BANP: variants seen among roughly 807,000 people sequenced by gnomAD.
BANP encodes protein BANP.
Under a neutral mutation model 68.1 loss-of-function variants are expected in BANP, and 11 were observed. The ratio of observed to expected loss-of-function variants is 0.16; its 90% CI spans 0.10 to 0.27. The LOEUF (loss-of-function observed/expected upper bound fraction) is 0.27, where lower values mean the gene tolerates loss of function less well. Among genes scored for constraint, BANP ranks in the 10% least tolerant of loss-of-function variants. The pLI, the probability that BANP is intolerant of heterozygous loss-of-function variation, is 1.00. For missense variants in BANP, 504 were observed against 722.7 expected (o/e 0.70, Z 3.47); for synonymous variants, 329 against 303.2 (o/e 1.09, Z -0.88).
intron 6 of BANP, among the ~76,000 whole-genome samples, chr16:88,014,542 G>C (rs180883575): frequency 4.8e-4 from 73 of 152,236 alleles, no homozygotes; most frequent in Non-Finnish European, 6.8e-4. Flanking sequence ...TTCTTGTCCA[G>C]TGTTTACTTT....
intron 6 of BANP, 90 bp downstream of exon 6, chr16:88,006,355 G>A (rs980008226): frequency 2.7e-6 from 4 of 1,460,732 alleles, no homozygotes; most frequent in Admixed American, 4.4e-5. Flanking sequence ...TTTTAAAGAA[G>A]TGATACAGTG....
Position 87,992,597 on chromosome 16 carries a change from C to G in BANP, c.362+8338C>G, listed in dbSNP as rs186442590. 8.6e-4 allele frequency among the ~76,000 whole-genome samples: 131 copies of G among 152,086 alleles called. No homozygotes were observed. The South Asian group carries it at 0.014, about 16-fold the overall frequency. ...TCACCTGAAGTCAGGAGTTCGAGAC[C>G]AGCCTGGCTAACGAGGCGAAACCCC... is the stretch of plus-strand genomic sequence containing the variant. On this transcript the variant is annotated intron_variant, in intron 4 of 13. Transcript: ENST00000682872.
intron 6 of BANP, among the ~76,000 whole-genome samples, chr16:88,014,830 G>C (rs1256533726): frequency 1.3e-5 from 2 of 151,918 alleles, no homozygotes; most frequent in Non-Finnish European, 2.9e-5. Context: ...AGAGATGCTT[G>C]GTGTCGCTGG....
chr16:87,977,336 G>A (rs1215737398), intron 2 of BANP, among the ~76,000 whole-genome samples: 1 of 151,968 alleles, frequency 6.6e-6, no homozygotes, highest in Non-Finnish European at 1.5e-5. Context: ...GGAGAATGGC[G>A]TGAACCCGGG....
At chr16:88,053,698 TCCA>T (rs2084019703) in intron 11 of BANP, among the ~76,000 whole-genome samples, 1 of 123,924 alleles carries the variant, frequency 8.1e-6, no homozygotes, top group South Asian at 3.1e-4. Context: ...CACTGTCATC[TCCA>T]TCATCATCAT....
chr16:87,964,613 A>T (rs561803780), intron 1 of BANP, among the ~76,000 whole-genome samples: 3 of 152,178 alleles, frequency 2.0e-5, no homozygotes, highest in Admixed American at 6.5e-5. Flanking sequence ...GAGGGCTTAG[A>T]GCAGATGAGG....
At chr16:88,039,413 G>A (rs899385247) in intron 11 of BANP, among the ~76,000 whole-genome samples, 4 of 143,708 alleles carry the variant, frequency 2.8e-5, no homozygotes, top group South Asian at 2.3e-4. Context: ...CATAGCTGGC[G>A]GTCCGTCTTC....
Position 88,004,011 on chromosome 16 carries a change from G to A in BANP, c.363-284G>A, listed in dbSNP as rs1010423944. On this transcript the variant is annotated intron_variant, in intron 4 of 13. Transcript: ENST00000682872. This position sits in a 1 kb window ranked among gnomAD's most constrained non-coding sequence, Gnocchi z 7.0. The stretch of plus-strand genomic sequence containing the variant: ...TTCTGTCACAAGTTCAGCATCCTCA[G>A]CCCAGCTGTCCTGTGCTATCCAGTT... 2 of 375,198 alleles carry A rather than the reference G, an allele frequency of 5.3e-6. No homozygotes were observed. Among genetic ancestry groups the A allele is most frequent in the Non-Finnish European group, 1.0e-5 (2 of 200,258 alleles). 23.2% of individuals were successfully genotyped at this position (375,198 alleles called of 1,614,324 possible).
At chr16:88,051,188 C>T (rs546445776) in intron 11 of BANP, among the ~76,000 whole-genome samples, 4 of 152,344 alleles carry the variant, frequency 2.6e-5, no homozygotes, top group Non-Finnish European at 2.9e-5. Flanking sequence ...ATGGGGGCTC[C>T]CCAGTGGTTT....
chr16:88,045,820 G>A (rs1053392323), intron 11 of BANP, among the ~76,000 whole-genome samples: 1 of 151,952 alleles, frequency 6.6e-6, no homozygotes, highest in Admixed American at 6.5e-5. Context: ...ATGTGTCCCA[G>A]TCTCAGGGCG....
chr16:87,974,813 G>T (rs2061720204), intron 1 of BANP, among the ~76,000 whole-genome samples: 1 of 152,142 alleles, frequency 6.6e-6, no homozygotes, highest in Non-Finnish European at 1.5e-5. Flanking sequence ...AAACGGAGAG[G>T]CCCCGGGTGG....
At chr16:88,038,565 G>T (rs867045418) in intron 11 of BANP, among the ~76,000 whole-genome samples, 1 of 142,852 alleles carries the variant, frequency 7.0e-6, no homozygotes, top group Middle Eastern at 4.1e-3. Context: ...GTTAGAAAAA[G>T]GTGGTTTCGC....
chr16:88,013,973 G>A (rs142471852), intron 6 of BANP, among the ~76,000 whole-genome samples: 4 of 152,302 alleles, frequency 2.6e-5, no homozygotes, highest in African/African-American at 7.2e-5. Flanking sequence ...AGCAGGAAGC[G>A]CAGGGCGTGG....
At position 88,036,065 on chromosome 16, in the gene BANP, C is replaced by G. The variant is rs2079269792; in HGVS notation, c.1272+671C>G. On this transcript the variant is annotated intron_variant, in intron 10 of 13. Transcript: ENST00000682872. The surrounding 1 kb of genome is among the most constrained non-coding windows in gnomAD (Gnocchi z 4.2). ...GTTGCGATGCTCCATGTTTGCATGC[C>G]AGAGCAGGACTGTCTCCCGGGTGAC... Among the ~76,000 whole-genome samples the G allele has an allele frequency of 6.6e-6, 1 of 152,216 alleles. No homozygotes were observed. Among genetic ancestry groups the G allele is most frequent in the Non-Finnish European group, 1.5e-5 (1 of 68,040 alleles).
At chr16:88,065,926 C>T (rs1411096756) in intron 12 of BANP, among the ~76,000 whole-genome samples, 1 of 152,114 alleles carries the variant, frequency 6.6e-6, no homozygotes, top group East Asian at 1.9e-4. Context: ...TGCCTTCCAC[C>T]TCCTTCCTGT....
rs555898621 is a variant in BANP at position 88,035,536 on chromosome 16, G to C, written c.1272+142G>C. 308 of 740,002 alleles carry C rather than the reference G, an allele frequency of 4.2e-4. 1 individual carries two copies. The African/African-American group carries it at 4.7e-3, about 11-fold the overall frequency. 45.8% of individuals were successfully genotyped at this position (740,002 alleles called of 1,614,324 possible). A position where few individuals can be genotyped will look rare whatever the true frequency, so the allele number is the denominator to read the frequency against. On this transcript the variant is annotated intron_variant, in intron 10 of 13. Transcript: ENST00000682872. ...CAAGGGCTGCAGGACTCCGCTTCCA[G>C]GGTGCACATAGCGGGCCTGCAGTCT...
intron 4 of BANP, among the ~76,000 whole-genome samples, chr16:87,999,033 T>C (rs747109445): frequency 5.6e-3 from 279 of 50,242 alleles, no homozygotes; most frequent in Middle Eastern, 0.021. Flanking sequence ...CACGCACGTG[T>C]GCGGCTGTAC....
In BANP at chr16:88,027,335, C is replaced by G. The variant is rs1463621722; in HGVS notation, c.896-148C>G. On this transcript the variant is annotated intron_variant, in intron 7 of 13. Coordinates refer to ENST00000682872, the MANE Select transcript of BANP (RefSeq NM_001386991.1). ...AGCACCTTCTGTGCAGTGGGCCTTT[C>G]CAGACCCTTGCAGGAAGACGGGGCC... 3.5e-6 allele frequency: 3 copies of G among 850,634 alleles called. No homozygotes were observed. In the African/African-American group the frequency reaches 5.1e-5, roughly 15 times the overall value. 52.7% of individuals were successfully genotyped at this position (850,634 alleles called of 1,614,324 possible).
chr16:88,072,279 A>G, intron 13 of BANP, 67 bp downstream of exon 13: 2 of 1,532,468 alleles, frequency 1.3e-6, no homozygotes, highest in Non-Finnish European at 1.8e-6. Context: ...GCCACCGGGC[A>G]CACGTGGCCC....
Sources: allele counts gnomAD v4.1 joint callset (sites outside exome capture counted in the v4.1 genomes callset), GRCh38; gene constraint gnomAD v4.1.1; non-coding constraint Gnocchi (gnomAD v3.1); transcripts MANE v1.5; gene names NCBI Gene and HGNC (gene_info 2026-07-23, HGNC 2026-07-21).